HDAC8: variants seen among roughly 807,000 people sequenced by gnomAD.
HDAC8 encodes the protein histone deacetylase-like 1.
HDAC8 carries 1 observed loss-of-function variant against 32.2 expected under a neutral mutation model. That is an observed-to-expected ratio of 0.03 (90% CI 0.01 to 0.15). The LOEUF (loss-of-function observed/expected upper bound fraction) is 0.15, where lower values mean the gene tolerates loss of function less well. Among genes scored for constraint, HDAC8 ranks in the 10% least tolerant of loss-of-function variants. The probability of loss-of-function intolerance (pLI) is 1.00; values close to 1 mark genes in which losing one functional copy is unlikely to be tolerated. For missense variants in HDAC8, 117 were observed against 300.0 expected, an observed-to-expected ratio of 0.39 and a Z score of 4.51; for synonymous variants, 108 against 113.9, an observed-to-expected ratio of 0.95 and a Z score of 0.33.
intron 7 of HDAC8, chrX:72,467,901 G>A: frequency 9.2e-7 from 1 of 1,083,204 alleles, no homozygotes. Flanking sequence ...TGAGTGTTTG[G>A]TATTTAGGAG....
At chrX:72,489,922 C>T (rs2048806492) in intron 6 of HDAC8, among the ~76,000 whole-genome samples, 1 of 110,977 alleles carries the variant, frequency 9.0e-6, no homozygotes, top group Non-Finnish European at 1.9e-5. Context: ...AACAAACAAC[C>T]CCATCAAAAA....
At chrX:72,467,177 TAC>T (rs10687994) in intron 7 of HDAC8, 2,563 of 95,764 alleles carry the variant, frequency 0.027, 27 homozygotes, top group African/African-American at 0.043. Context: ...TGCATAGAGC[TAC>T]ACACACACAC....
chrX:72,543,559 G>A (rs1476300031), intron 4 of HDAC8, among the ~76,000 whole-genome samples: 1 of 111,610 alleles, frequency 9.0e-6, no homozygotes, highest in African/African-American at 3.3e-5. Context: ...ATGTCCCAAT[G>A]TCCCGAGAGC....
chrX:72,491,713 C>T (rs1470142476), intron 5 of HDAC8, among the ~76,000 whole-genome samples: 3 of 111,261 alleles, frequency 2.7e-5, no homozygotes, highest in African/African-American at 6.5e-5. Flanking sequence ...AGTGAGTAAA[C>T]GATTAGAGGC....
intron 9 of HDAC8, among the ~76,000 whole-genome samples, chrX:72,427,608 G>C (rs782504598): frequency 1.3e-4 from 11 of 84,969 alleles, no homozygotes; most frequent in Admixed American, 5.3e-4. Flanking sequence ...GGGGTGGGGG[G>C]GGGGAGGGAT....
chrX:72,346,455 C>A (rs1235888778), intron 10 of HDAC8, among the ~76,000 whole-genome samples: 4 of 112,392 alleles, frequency 3.6e-5, no homozygotes, highest in Non-Finnish European at 7.5e-5. Flanking sequence ...GCCTGGGGCT[C>A]CAGCAGGCCT....
At position 72,337,204 on chromosome X, in the gene HDAC8, G is replaced by T. The variant is rs782454399; in HGVS notation, c.1112-7128C>A. Among the ~76,000 whole-genome samples the T allele has an allele frequency of 2.7e-5, 3 of 112,317 alleles. No individual in the cohort carries two copies. The Admixed American group carries it at 2.8e-4, about 11-fold the overall frequency. On this transcript the variant is annotated intron_variant, in intron 10 of 10. Transcript: ENST00000373573. The stretch of plus-strand genomic sequence containing the variant: ...TTTATTCTCTTAATCTTTTTAATGT[G>T]GAGCAGTGCGGTCCAATAGAACTTT...
chrX:72,422,562 C>A (rs1175749650), intron 9 of HDAC8, among the ~76,000 whole-genome samples: 2 of 111,595 alleles, frequency 1.8e-5, no homozygotes, highest in Non-Finnish European at 3.8e-5. Flanking sequence ...GTTTCCCTGG[C>A]AATTTATTCA....
rs782445720 is a variant in HDAC8 at position 72,333,380 on chromosome X, C to T, written c.1112-3304G>A. ...CACAATTGCTAGCTGTGATCACATT[C>T]CTTCTCTGCTCAAAAAGACTTCAGC... On this transcript the variant is annotated intron_variant, in intron 10 of 10. Transcript: ENST00000373573. Among the ~76,000 whole-genome samples, 4 of 112,239 alleles carry T rather than the reference C, an allele frequency of 3.6e-5. No individual in the cohort carries two copies. The East Asian group carries it at 8.4e-4, about 24-fold the overall frequency.
At chrX:72,525,605 A>C (rs1224320478) in intron 4 of HDAC8, among the ~76,000 whole-genome samples, 9 of 109,631 alleles carry the variant, frequency 8.2e-5, no homozygotes, top group Admixed American at 5.9e-4. Context: ...CGAGGTCAGC[A>C]GATCGAGACC....
intron 9 of HDAC8, among the ~76,000 whole-genome samples, chrX:72,438,852 A>G (rs1469784304): frequency 8.9e-6 from 1 of 112,127 alleles, no homozygotes; most frequent in Non-Finnish European, 1.9e-5. Context: ...TGTACCTGAA[A>G]GTGACAGGGA....
At chrX:72,518,366 T>C (rs781935375) in intron 4 of HDAC8, among the ~76,000 whole-genome samples, 2 of 111,853 alleles carry the variant, frequency 1.8e-5, no homozygotes, top group African/African-American at 6.5e-5. Flanking sequence ...AATGGAATTA[T>C]ATAATATGTG....
intron 4 of HDAC8, among the ~76,000 whole-genome samples, chrX:72,563,967 C>G (rs1556127477): frequency 9.0e-6 from 1 of 111,403 alleles, no homozygotes. Flanking sequence ...CGAGACCAGC[C>G]TGACCAACAC....
chrX:72,352,297 T>C (rs1331512483), intron 9 of HDAC8, among the ~76,000 whole-genome samples: 1 of 111,457 alleles, frequency 9.0e-6, no homozygotes, highest in African/African-American at 3.3e-5. Context: ...GTCACCTCCT[T>C]CACAAAGCTG....
At chrX:72,392,474 G>T (rs1555964189) in intron 9 of HDAC8, among the ~76,000 whole-genome samples, 1 of 108,144 alleles carries the variant, frequency 9.2e-6, no homozygotes, top group Admixed American at 9.6e-5. Context: ...ACTCCAGAGA[G>T]AACTCAGAAC....
At chrX:72,556,380 T>A (rs1394238163) in intron 4 of HDAC8, among the ~76,000 whole-genome samples, 1 of 111,809 alleles carries the variant, frequency 8.9e-6, no homozygotes, top group Non-Finnish European at 1.9e-5. Flanking sequence ...ACAACTAGCA[T>A]GATGAATAGA....
intron 4 of HDAC8, among the ~76,000 whole-genome samples, chrX:72,525,006 C>T (rs1224546729): frequency 9.0e-6 from 1 of 111,705 alleles, no homozygotes; most frequent in Non-Finnish European, 1.9e-5. Context: ...ATTAGATTCT[C>T]ATAAGGAGCA....
intron 9 of HDAC8, among the ~76,000 whole-genome samples, chrX:72,358,927 A>G (rs1471497895): frequency 8.9e-6 from 1 of 111,764 alleles, no homozygotes; most frequent in Non-Finnish European, 1.9e-5. Context: ...GCTGCCCCTG[A>G]TCTGACAGGA....
At chrX:72,373,159 C>G in intron 9 of HDAC8, among the ~76,000 whole-genome samples, 1 of 112,476 alleles carries the variant, frequency 8.9e-6, no homozygotes, top group Non-Finnish European at 1.9e-5. Context: ...TGTGTGACTC[C>G]AAAAATCATT....
Sources: allele counts gnomAD v4.1 joint callset (sites outside exome capture counted in the v4.1 genomes callset), GRCh38; gene constraint gnomAD v4.1.1; transcripts MANE v1.5; gene names NCBI Gene and HGNC (gene_info 2026-07-23, HGNC 2026-07-21).